Variants in ARHGEF3 observed in about 807,000 individuals in gnomAD.
ARHGEF3 encodes the protein 59.8 kDA protein.
Under a neutral mutation model 63.2 loss-of-function variants are expected in ARHGEF3, and 28 were observed. The observed-to-expected ratio is 0.44, with a 90% CI of 0.33 to 0.61. The LOEUF (loss-of-function observed/expected upper bound fraction) is 0.61, where lower values mean the gene tolerates loss of function less well. Ranked by LOEUF, ARHGEF3 falls within the 20% of genes least tolerant of loss-of-function variation. ARHGEF3 has a pLI of 0.03. For synonymous variants in ARHGEF3, 266 were observed against 254.2 expected (o/e 1.05, Z -0.44); for missense variants, 533 against 659.3 (o/e 0.81, Z 2.10).
At chr3:56,735,176 C>T (rs936528731) in intron 8 of ARHGEF3, among the ~76,000 whole-genome samples, 12 of 152,212 alleles carry the variant, frequency 7.9e-5, no homozygotes, top group African/African-American at 2.4e-4. Context: ...CCCAGCTACT[C>T]GGGAAGCTGA....
chr3:56,924,308 A>G (rs2042223863), intron 3 of ARHGEF3, among the ~76,000 whole-genome samples: 1 of 152,230 alleles, frequency 6.6e-6, no homozygotes, highest in Non-Finnish European at 1.5e-5. Flanking sequence ...GAAAGCAGTC[A>G]GGCCTTTCTT....
intron 4 of ARHGEF3, among the ~76,000 whole-genome samples, 199 bp from the exon 5 acceptor site, chr3:56,751,595 T>C (rs1281646722): frequency 1.3e-5 from 2 of 152,178 alleles, no homozygotes; most frequent in Non-Finnish European, 2.9e-5. Context: ...GCCTTTGTGG[T>C]TGATAAACCA....
intron 2 of ARHGEF3, among the ~76,000 whole-genome samples, chr3:56,758,741 T>A (rs981652668): frequency 4.6e-5 from 7 of 152,202 alleles, no homozygotes; most frequent in Admixed American, 4.6e-4. Context: ...AACCAGGAAC[T>A]AAATGCACAC....
chr3:56,855,375 T>A (rs886949402), intron 4 of ARHGEF3, among the ~76,000 whole-genome samples: 2 of 152,150 alleles, frequency 1.3e-5, no homozygotes, highest in African/African-American at 2.4e-5. Context: ...ATAAATGGCC[T>A]TTACTGATGC....
In ARHGEF3 at chr3:56,773,805, AT is replaced by A; in HGVS notation, c.107del (p.Asn36IlefsTer13). The A allele has an allele frequency of 6.3e-7, 1 of 1,595,826 alleles. No individual in the cohort carries two copies. Among genetic ancestry groups the A allele is most frequent in the Non-Finnish European group, 8.5e-7 (1 of 1,173,850 alleles). On this transcript the variant is annotated frameshift_variant, in exon 2 of 10. Coordinates refer to ENST00000296315, the MANE Select transcript of ARHGEF3 (RefSeq NM_019555.3). LOFTEE classifies it high-confidence loss of function. The stretch of plus-strand genomic sequence containing the variant: ...CTCGGGAAAGGGGTTTGACCCGTTT[AT>A]TACTAGGCTCCTATAGAGTTAAAAA... The part of the protein sequence containing the change: ...GPAKDAEEPS[N>X]KRVKPLSRVT...
intron 7 of ARHGEF3, 45 bp downstream of exon 7, chr3:56,745,160 T>A (rs1296536939): frequency 6.3e-7 from 1 of 1,585,702 alleles, no homozygotes; most frequent in South Asian, 1.2e-5. Context: ...CCAGCCATTA[T>A]GGTGGAAATA....
Position 56,968,175 on chromosome 3 carries a change from TATAAAAATATATATTATATATA to T in ARHGEF3, c.63-9308_63-9287del, listed in dbSNP as rs1560093962. On this transcript the variant is annotated intron_variant, in intron 2 of 12. Transcript: ENST00000338458. ...ATAAAAATATATATTATATAATATATATAAAAATATATATTATATATAATATATAAAAATATATATTATATAT... is the reference window on the plus strand; with the variant it reads ...ATAAAAATATATATTATATAATATATATATATAAAAATATATATTATATAT... Among the ~76,000 whole-genome samples the T allele has an allele frequency of 4.4e-3, 94 of 21,550 alleles. 2 individuals carry two copies. The highest frequency in any genetic ancestry group is 9.2e-3 in the African/African-American group (91 of 9,870). 14.1% of individuals were successfully genotyped at this position (21,550 alleles called of 152,430 possible).
chr3:56,945,276 C>T (rs1308692317), intron 3 of ARHGEF3, among the ~76,000 whole-genome samples: 1 of 151,994 alleles, frequency 6.6e-6, no homozygotes, highest in Non-Finnish European at 1.5e-5. Flanking sequence ...GGGTGCAGGA[C>T]AGTGGATGCA....
intron 4 of ARHGEF3, among the ~76,000 whole-genome samples, chr3:56,821,094 A>T (rs2108037564): frequency 6.6e-6 from 1 of 152,066 alleles, no homozygotes; most frequent in African/African-American, 2.4e-5. Context: ...GCTGCAGTGA[A>T]TGCAGTGAGC....
At chr3:56,879,257 G>A (rs368880195) in intron 4 of ARHGEF3, among the ~76,000 whole-genome samples, 52 of 152,270 alleles carry the variant, frequency 3.4e-4, no homozygotes, top group South Asian at 8.3e-4. Context: ...CCACGAAACC[G>A]GCCCCTGGTG....
intron 3 of ARHGEF3, among the ~76,000 whole-genome samples, chr3:56,904,422 C>T (rs917221141): frequency 2.0e-5 from 3 of 152,186 alleles, no homozygotes; most frequent in African/African-American, 7.2e-5. Flanking sequence ...ACGTTGGCCT[C>T]CCAAAGTGCT....
At chr3:57,006,198 A>T (rs1702460572) in intron 2 of ARHGEF3, among the ~76,000 whole-genome samples, 2 of 152,210 alleles carry the variant, frequency 1.3e-5, no homozygotes, top group Non-Finnish European at 2.9e-5. Flanking sequence ...GCAAGTGTAT[A>T]TATAGAAACC....
chr3:56,803,941 G>A (rs1053731174), upstream of ARHGEF3, among the ~76,000 whole-genome samples: 1 of 149,552 alleles, frequency 6.7e-6, no homozygotes, highest in African/African-American at 2.5e-5. Context: ...CTGGAGTGTA[G>A]TGGCATGATC....
intron 4 of ARHGEF3, among the ~76,000 whole-genome samples, chr3:56,840,294 T>C: frequency 6.6e-6 from 1 of 152,064 alleles, no homozygotes; most frequent in Non-Finnish European, 1.5e-5. Context: ...CATCCAATGG[T>C]GTATTTACTA....
At chr3:56,967,933 TA>T (rs1476499220) in intron 2 of ARHGEF3, among the ~76,000 whole-genome samples, 1 of 69,928 alleles carries the variant, frequency 1.4e-5, no homozygotes, top group Non-Finnish European at 2.4e-5. Flanking sequence ...ATATATAATA[TA>T]AAATATATTA....
intron 1 of ARHGEF3, chr3:57,076,864 A>G (rs1335013883): frequency 2.0e-5 from 3 of 152,214 alleles, no homozygotes; most frequent in Non-Finnish European, 4.4e-5. Context: ...TGAATCCTAC[A>G]TTCTCCTTGG....
At chr3:57,079,124 G>A in intron 1 of ARHGEF3, 1 of 357,826 alleles carries the variant, frequency 2.8e-6, no homozygotes, top group Non-Finnish European at 5.0e-6. Flanking sequence ...CCGGAAGACG[G>A]TCTCACTCCG....
chr3:56,960,011 A>G (rs1214171892), intron 2 of ARHGEF3, among the ~76,000 whole-genome samples: 1 of 152,180 alleles, frequency 6.6e-6, no homozygotes, highest in Non-Finnish European at 1.5e-5. Context: ...TGGTTACACA[A>G]TAGTCACTTT....
intron 1 of ARHGEF3, among the ~76,000 whole-genome samples, chr3:57,064,581 T>A (rs1343414630): frequency 6.6e-6 from 1 of 152,200 alleles, no homozygotes; most frequent in African/African-American, 2.4e-5. Flanking sequence ...GTGCTGGGAT[T>A]ACAGGCATGA....
Sources: allele counts gnomAD v4.1 joint callset (sites outside exome capture counted in the v4.1 genomes callset), GRCh38; gene constraint gnomAD v4.1.1; transcripts MANE v1.5; gene names NCBI Gene and HGNC (gene_info 2026-07-23, HGNC 2026-07-21).